ZNF148: variants seen among roughly 807,000 people sequenced by gnomAD.
ZNF148 encodes the protein Beta-Enolase Repressor Factor-1.
A neutral mutation model predicts 67.7 loss-of-function variants in ZNF148; 7 were observed. The ratio of observed to expected loss-of-function variants is 0.10; its 90% CI spans 0.06 to 0.19. The LOEUF (loss-of-function observed/expected upper bound fraction) is 0.19, where lower values mean the gene tolerates loss of function less well. Among genes scored for constraint, ZNF148 ranks in the 10% least tolerant of loss-of-function variants. ZNF148 has a pLI of 1.00. For missense variants in ZNF148, 583 were observed against 947.1 expected, an observed-to-expected ratio of 0.62 and a Z score of 5.05; for synonymous variants, 333 against 330.7, an observed-to-expected ratio of 1.01 and a Z score of -0.08.
At chr3:125,296,275 C>T (rs1467851635) in intron 4 of ZNF148, among the ~76,000 whole-genome samples, 1 of 152,124 alleles carries the variant, frequency 6.6e-6, no homozygotes, top group Non-Finnish European at 1.5e-5. Context: ...ACATGTACCA[C>T]CACGCCCAGC....
At chr3:125,342,130 T>TAAA (rs556477550) in intron 1 of ZNF148, among the ~76,000 whole-genome samples, 2 of 147,046 alleles carry the variant, frequency 1.4e-5, no homozygotes, top group Admixed American at 6.8e-5. Flanking sequence ...TACAGGGCAA[T>TAAA]AAAAAAAAAA....
intron 4 of ZNF148, among the ~76,000 whole-genome samples, chr3:125,301,928 G>A (rs759162410): frequency 6.6e-6 from 1 of 152,236 alleles, no homozygotes; most frequent in East Asian, 1.9e-4. Flanking sequence ...GCCAGGCATG[G>A]TGGCGGGCAT....
intron 1 of ZNF148, among the ~76,000 whole-genome samples, chr3:125,332,443 GGTAAA>G (rs1367086103): frequency 6.6e-6 from 1 of 152,036 alleles, no homozygotes. Context: ...ATTAAAAATG[GGTAAA>G]GTAAAGCTAA....
intron 7 of ZNF148, among the ~76,000 whole-genome samples, chr3:125,237,288 T>TA (rs1181602390): frequency 6.6e-6 from 1 of 152,128 alleles, no homozygotes; most frequent in Non-Finnish European, 1.5e-5. Context: ...AATTTTGAAA[T>TA]AGAGCTGGTA....
intron 1 of ZNF148, among the ~76,000 whole-genome samples, chr3:125,366,169 TA>T (rs1942696384): frequency 6.6e-6 from 1 of 152,236 alleles, no homozygotes; most frequent in Non-Finnish European, 1.5e-5. Context: ...TAACATACTT[TA>T]ATTCTCACAT....
chr3:125,342,391 A>C (rs1457600790), intron 1 of ZNF148, among the ~76,000 whole-genome samples: 3 of 151,958 alleles, frequency 2.0e-5, no homozygotes, highest in African/African-American at 2.4e-5. Flanking sequence ...AGAGAGAAAC[A>C]ACACATTACC....
At chr3:125,293,064 G>A (rs755697541) in intron 4 of ZNF148, among the ~76,000 whole-genome samples, 21 of 152,248 alleles carry the variant, frequency 1.4e-4, no homozygotes, top group Non-Finnish European at 2.5e-4. Context: ...CTAACATGTA[G>A]TAAGTTTTAT....
chr3:125,339,826 T>A (rs1015296830), intron 1 of ZNF148, among the ~76,000 whole-genome samples: 9 of 152,176 alleles, frequency 5.9e-5, no homozygotes, highest in Non-Finnish European at 1.3e-4. Flanking sequence ...AATTTTAAGT[T>A]CACAAAGCAC....
chr3:125,251,791 G>A lies in ZNF148; in HGVS notation c.668-17462C>T, dbSNP rs1328723762. Among the ~76,000 whole-genome samples the A allele has an allele frequency of 2.0e-5, 3 of 152,146 alleles. No individual in the cohort carries two copies. The East Asian group carries it at 5.8e-4, about 29-fold the overall frequency. On this transcript the variant is annotated intron_variant, in intron 7 of 8. Coordinates refer to ENST00000360647, the MANE Select transcript of ZNF148 (RefSeq NM_021964.3). ...TGTTCTTATCCTTTGGTGAAAATAT[G>A]TATGCAATTATATAGGGTATATAGC...
intron 4 of ZNF148, among the ~76,000 whole-genome samples, chr3:125,295,021 A>G (rs542222515): frequency 2.6e-5 from 4 of 152,226 alleles, no homozygotes; most frequent in Non-Finnish European, 5.9e-5. Flanking sequence ...AAATTATTCA[A>G]ACTTATTTAA....
Position 125,367,187 on chromosome 3 carries a change from T to C in ZNF148, c.-234+7915A>G, listed in dbSNP as rs76473231. 1.3e-4 allele frequency among the ~76,000 whole-genome samples: 20 copies of C among 152,380 alleles called. No homozygotes were observed. The East Asian group carries it at 3.7e-3, about 28-fold the overall frequency. On this transcript the variant is annotated intron_variant, in intron 1 of 8. Transcript: ENST00000360647. The stretch of plus-strand genomic sequence containing the variant: ...ATCAACATAATTTAATAACTTCTAC[T>C]ATATTCCAAACTTCTGTTGACTCTT...
At chr3:125,239,971 T>C (rs540800261) in intron 7 of ZNF148, among the ~76,000 whole-genome samples, 9 of 152,154 alleles carry the variant, frequency 5.9e-5, no homozygotes, top group Non-Finnish European at 1.3e-4. Flanking sequence ...GGTTTTCTTC[T>C]GGGGGGTGAC....
At chr3:125,293,969 G>C (rs550021887) in intron 4 of ZNF148, among the ~76,000 whole-genome samples, 21 of 152,226 alleles carry the variant, frequency 1.4e-4, no homozygotes, top group Non-Finnish European at 2.5e-4. Flanking sequence ...CTCTACAGTG[G>C]GGAAACCTGG....
chr3:125,339,275 T>G (rs1941621473), intron 1 of ZNF148, among the ~76,000 whole-genome samples: 1 of 152,234 alleles, frequency 6.6e-6, no homozygotes, highest in African/African-American at 2.4e-5. Context: ...GCACGACAAT[T>G]TATCTTACCT....
chr3:125,258,790 A>C (rs1379542754), intron 7 of ZNF148, among the ~76,000 whole-genome samples: 1 of 152,156 alleles, frequency 6.6e-6, no homozygotes, highest in Non-Finnish European at 1.5e-5. Flanking sequence ...GTTATGTAAG[A>C]ATACTTACAT....
rs775512758 is a variant in ZNF148, at chr3:125,232,982, T to C, written c.1744A>G (p.Thr582Ala). The change falls in exon 9 of 9, where the codon ACC becomes GCC. Residue 582 changes from threonine to alanine, a missense_variant. Thr to Ala is a moderately conservative substitution (Grantham distance 58, BLOSUM62 0). This residue lies in a region of ZNF148 where 172 missense variants were observed against 307.7 expected (regional missense o/e 0.56). Transcript: ENST00000360647. The surrounding 1 kb of genome is among the most constrained non-coding windows in gnomAD (Gnocchi z 4.2). ...SINSSEVPEVTPSENVGSSSQ... is the reference protein window; with the variant it reads ...SINSSEVPEVAPSENVGSSSQ... Reference sequence around the variant, plus strand: ...CTTGATCCAACATTCTCTGACGGGGTGACCTCTGGTACTTCTGAAGAATTT... The same window carrying C: ...CTTGATCCAACATTCTCTGACGGGGCGACCTCTGGTACTTCTGAAGAATTT... 1 of 1,613,854 alleles carries C rather than the reference T, an allele frequency of 6.2e-7. No individual in the cohort carries two copies. Among genetic ancestry groups the C allele is most frequent in the East Asian group, 2.2e-5 (1 of 44,886 alleles).
rs1935629211 is a variant in ZNF148, at chr3:125,226,288, T to C, written c.*6053A>G. The C allele has an allele frequency of 6.6e-6, 1 of 152,558 alleles. No homozygotes were observed. Among genetic ancestry groups the C allele is most frequent in the Non-Finnish European group, 1.5e-5 (1 of 68,040 alleles). The allele number at this position is 152,558 out of a possible 1,614,324, so 9.5% of individuals were successfully genotyped here. On this transcript the variant is annotated 3_prime_UTR_variant, in exon 9 of 9. Transcript: ENST00000360647. ...TCTTTTCTCTTTACGGTTATATCTA[T>C]GCACCATGATTTTTGCATATTTACC...
At chr3:125,347,842 T>G (rs561917528) in intron 1 of ZNF148, among the ~76,000 whole-genome samples, 1 of 152,092 alleles carries the variant, frequency 6.6e-6, no homozygotes, top group African/African-American at 2.4e-5. Context: ...AGTCAACCAA[T>G]TTTTTGACAC....
chr3:125,369,497 T>C (rs977928779), intron 1 of ZNF148, among the ~76,000 whole-genome samples: 3 of 149,420 alleles, frequency 2.0e-5, no homozygotes, highest in Non-Finnish European at 3.0e-5. Flanking sequence ...CAGCACACAC[T>C]AGATACTCAA....
Sources: allele counts gnomAD v4.1 joint callset (sites outside exome capture counted in the v4.1 genomes callset), GRCh38; gene constraint gnomAD v4.1.1; regional missense constraint gnomAD v4.1.1; non-coding constraint Gnocchi (gnomAD v3.1); transcripts MANE v1.5; gene names NCBI Gene and HGNC (gene_info 2026-07-23, HGNC 2026-07-21).